The following EPHB1 variants were observed in gnomAD, a reference collection of about 807,000 sequenced individuals.
EPHB1 encodes the protein ephrin type-B receptor 1.
EPHB1 carries 30 observed loss-of-function variants against 94.4 expected under a neutral mutation model. The observed-to-expected ratio is 0.32, with a 90% CI of 0.24 to 0.43. The LOEUF (loss-of-function observed/expected upper bound fraction) is 0.43, where lower values mean the gene tolerates loss of function less well. Ranked by LOEUF, EPHB1 falls within the 20% of genes least tolerant of loss-of-function variation. The pLI, the probability that EPHB1 is intolerant of heterozygous loss-of-function variation, is 1.00. For synonymous variants in EPHB1, 522 were observed against 489.1 expected, an observed-to-expected ratio of 1.07 and a Z score of -0.89; for missense variants, 1,055 against 1,308.3, an observed-to-expected ratio of 0.81 and a Z score of 2.99.
At chr3:135,210,979 C>T (rs1284284215) in intron 12 of EPHB1, among the ~76,000 whole-genome samples, 2 of 152,184 alleles carry the variant, frequency 1.3e-5, no homozygotes, top group Non-Finnish European at 2.9e-5. Context: ...GCATCCCTCT[C>T]CACCCCATGT....
intron 1 of EPHB1, among the ~76,000 whole-genome samples, chr3:134,898,924 A>G (rs942005566): frequency 6.6e-6 from 1 of 152,166 alleles, no homozygotes; most frequent in Non-Finnish European, 1.5e-5. Context: ...GACTCTAGGC[A>G]GTCTTCAGAA....
chr3:134,824,276 G>T (rs62272412), intron 1 of EPHB1, among the ~76,000 whole-genome samples: 17,309 of 151,946 alleles, frequency 0.11, 1,098 homozygotes, highest in South Asian at 0.3. Context: ...CCAGTCGGGG[G>T]TGAAGTACTG....
intron 3 of EPHB1, among the ~76,000 whole-genome samples, chr3:135,092,458 C>T (rs1056479947): frequency 8.5e-5 from 13 of 152,148 alleles, no homozygotes; most frequent in Admixed American, 6.5e-5. Flanking sequence ...GGTTCCTCCC[C>T]GCTGCCCTCT....
intron 1 of EPHB1, among the ~76,000 whole-genome samples, chr3:134,921,051 A>T (rs1026938006): frequency 6.6e-6 from 1 of 152,068 alleles, no homozygotes; most frequent in East Asian, 1.9e-4. Context: ...ACCTGGCTCT[A>T]TGCTAGGTTT....
chr3:135,167,070 C>G, intron 9 of EPHB1, 64 bp downstream of exon 9: 1 of 1,565,648 alleles, frequency 6.4e-7, no homozygotes, highest in South Asian at 1.1e-5. Context: ...TGGGCTAGTG[C>G]TCAGAGCTCT....
chr3:135,069,780 G>A (rs1235053985), intron 3 of EPHB1, among the ~76,000 whole-genome samples: 1 of 151,746 alleles, frequency 6.6e-6, no homozygotes, highest in Non-Finnish European at 1.5e-5. Flanking sequence ...CAATAACCTT[G>A]TGTTCAAATT....
chr3:134,940,201 T>C (rs2090603538), intron 2 of EPHB1, among the ~76,000 whole-genome samples: 1 of 152,194 alleles, frequency 6.6e-6, no homozygotes, highest in African/African-American at 2.4e-5. Flanking sequence ...TTCCACACCC[T>C]GGTGACTCAG....
intron 3 of EPHB1, among the ~76,000 whole-genome samples, chr3:135,083,664 T>G (rs978012147): frequency 1.8e-4 from 27 of 151,958 alleles, no homozygotes; most frequent in Non-Finnish European, 3.1e-4. Flanking sequence ...GCTGAGGAGG[T>G]GCAGGTAGGA....
chr3:135,145,171 C>T (rs996178338), intron 5 of EPHB1, among the ~76,000 whole-genome samples: 2 of 152,136 alleles, frequency 1.3e-5, no homozygotes, highest in Admixed American at 6.5e-5. Context: ...CTAAGCAGGA[C>T]CTTTTCAGCA....
chr3:135,192,475 C>A, intron 10 of EPHB1, 101 bp from the exon 11 acceptor site: 1 of 1,412,604 alleles, frequency 7.1e-7, no homozygotes, highest in Non-Finnish European at 9.6e-7. Flanking sequence ...ACTTTAATCA[C>A]AATTCCACTT....
chr3:135,112,929 G>T (rs1383569744), intron 4 of EPHB1, among the ~76,000 whole-genome samples: 1 of 152,158 alleles, frequency 6.6e-6, no homozygotes, highest in Non-Finnish European at 1.5e-5. Flanking sequence ...TGCTCCAGCT[G>T]AGCTTTACCC....
intron 3 of EPHB1, among the ~76,000 whole-genome samples, chr3:134,955,496 C>T (rs1933233265): frequency 2.0e-5 from 2 of 99,806 alleles, no homozygotes; most frequent in Admixed American, 2.1e-4. Flanking sequence ...TTTTCTTAAT[C>T]CAGTCTATCA....
At chr3:135,182,687 A>G (rs1162136724) in intron 10 of EPHB1, among the ~76,000 whole-genome samples, 1 of 152,196 alleles carries the variant, frequency 6.6e-6, no homozygotes, top group African/African-American at 2.4e-5. Context: ...TAGAAAAAGT[A>G]AGTTTTTATG....
chr3:135,157,255 G>A (rs1317189150), intron 6 of EPHB1, among the ~76,000 whole-genome samples: 6 of 152,260 alleles, frequency 3.9e-5, no homozygotes, highest in South Asian at 4.2e-4. Flanking sequence ...TTCATCTGCC[G>A]TGCTCAGAGC....
intron 13 of EPHB1, among the ~76,000 whole-genome samples, chr3:135,245,120 C>T (rs1212318782): frequency 6.6e-6 from 1 of 152,184 alleles, no homozygotes; most frequent in Non-Finnish European, 1.5e-5. Context: ...TAGTAACTCC[C>T]TTCTTTGCTG....
At chr3:135,143,969 C>G (rs539104467) in intron 5 of EPHB1, among the ~76,000 whole-genome samples, 55 of 152,344 alleles carry the variant, frequency 3.6e-4, no homozygotes, top group Non-Finnish European at 6.6e-4. Flanking sequence ...CCTCCAGGCA[C>G]AGGGCTCTGC....
chr3:134,857,869 G>A (rs1467103197), intron 1 of EPHB1, among the ~76,000 whole-genome samples: 1 of 152,154 alleles, frequency 6.6e-6, no homozygotes, highest in Non-Finnish European at 1.5e-5. Context: ...AGGTATTCTG[G>A]CTACCTGGAT....
intron 3 of EPHB1, among the ~76,000 whole-genome samples, chr3:135,020,273 A>G (rs752382004): frequency 5.9e-5 from 9 of 152,220 alleles, no homozygotes; most frequent in African/African-American, 9.6e-5. Context: ...GATATAATTC[A>G]CATACCATAC....
At chr3:135,076,238 T>TAG (rs1937909888) in intron 3 of EPHB1, among the ~76,000 whole-genome samples, 1 of 32,012 alleles carries the variant, frequency 3.1e-5, no homozygotes, top group Admixed American at 3.3e-4. Flanking sequence ...AAAAGGGATA[T>TAG]ATATATATAT....
Sources: gnomAD v4.1 joint callset for allele counts (sites outside exome capture counted in the v4.1 genomes callset) on GRCh38, gnomAD v4.1.1 for gene constraint, MANE v1.5 for transcripts, NCBI Gene and HGNC (gene_info 2026-07-23, HGNC 2026-07-21) for gene names.